Variants in CYP3A7 observed in about 807,000 individuals in gnomAD.
The protein encoded by CYP3A7 is cytochrome P450 3A7.
A neutral mutation model predicts 55.2 loss-of-function variants in CYP3A7; 45 were observed. That is an observed-to-expected ratio of 0.82 (90% CI 0.64 to 1.05). CYP3A7 has a LOEUF of 1.05. Ranked by LOEUF, CYP3A7 falls within the 50% of genes least tolerant of loss-of-function variation. The pLI is 0.00. For missense variants in CYP3A7, 548 were observed against 605.3 expected, an observed-to-expected ratio of 0.91 and a Z score of 0.99; for synonymous variants, 180 against 207.4, an observed-to-expected ratio of 0.87 and a Z score of 1.13.
At chr7:99,729,246 A>G (rs984767623) in intron 2 of CYP3A7, among the ~76,000 whole-genome samples, 5 of 152,126 alleles carry the variant, frequency 3.3e-5, no homozygotes, top group Non-Finnish European at 7.3e-5. Context: ...ACTATCACCA[A>G]TTATTCTATA....
In CYP3A7 at chr7:99,705,182, G is replaced by A. The variant is rs776643594; in HGVS notation, c.*318C>T. On this transcript the variant is annotated 3_prime_UTR_variant, in exon 13 of 13. Coordinates refer to ENST00000336374, the MANE Select transcript of CYP3A7 (RefSeq NM_000765.5). ...TAATGATTGTGGTTGAAATTATTGAGAAATGTTAATTATGTTATCAGAGCT... is the reference window on the plus strand; with the variant it reads ...TAATGATTGTGGTTGAAATTATTGAAAAATGTTAATTATGTTATCAGAGCT... 1.9e-5 allele frequency: 5 copies of A among 263,554 alleles called. No homozygotes were observed. Among genetic ancestry groups the A allele is most frequent in the Non-Finnish European group, 3.7e-5 (5 of 135,770 alleles). The allele number at this position is 263,554 out of a possible 1,614,324, so 16.3% of individuals were successfully genotyped here. A position where few individuals can be genotyped will look rare whatever the true frequency, so the allele number is the denominator to read the frequency against.
At chr7:99,729,957 A>G (rs1189855184) in intron 2 of CYP3A7, among the ~76,000 whole-genome samples, 1 of 152,224 alleles carries the variant, frequency 6.6e-6, no homozygotes, top group African/African-American at 2.4e-5. Flanking sequence ...TTGCTTTTGC[A>G]GAGGGAAAAA....
intron 7 of CYP3A7, 185 bp downstream of exon 7, chr7:99,715,573 T>G: frequency 3.6e-5 from 38 of 1,042,652 alleles, no homozygotes; most frequent in Non-Finnish European, 4.5e-5. Context: ...TAAACATGTA[T>G]GAGGTTTCTA....
intron 7 of CYP3A7, 166 bp downstream of exon 7, chr7:99,715,590 CAG>C (rs1222413757): frequency 8.2e-7 from 1 of 1,215,966 alleles, no homozygotes; most frequent in Admixed American, 2.1e-5. Context: ...TCTAGAATGA[CAG>C]AAGTGTTTTA....
chr7:99,710,840 G>A lies in CYP3A7; in HGVS notation c.918C>T (p.Gly306=). ...MAQSIIFIFA[G]YETTSSVLSF... is the part of the protein sequence containing the mutation. ...AGAGAACACTGCTCGTGGTTTCATA[G>A]CCAGCAAAAATAAAGATAATTGATT... Residue 306 remains glycine (G), a synonymous_variant, in exon 10 of 13, where the codon GGC becomes GGT. Coordinates refer to ENST00000336374, the MANE Select transcript of CYP3A7 (RefSeq NM_000765.5). 6.2e-7 allele frequency: 1 copy of A among 1,613,830 alleles called. No individual in the cohort carries two copies. Among genetic ancestry groups the A allele is most frequent in the Non-Finnish European group, 8.5e-7 (1 of 1,179,852 alleles).
chr7:99,706,859 T>G (rs1470181078), intron 12 of CYP3A7, among the ~76,000 whole-genome samples: 1 of 152,252 alleles, frequency 6.6e-6, no homozygotes, highest in East Asian at 1.9e-4. Context: ...TGAGGTCACT[T>G]GCAAGGCACC....
chr7:99,729,535 G>A (rs2140128), intron 2 of CYP3A7, among the ~76,000 whole-genome samples: 115,915 of 152,124 alleles, frequency 0.76, 47,130 homozygotes, highest in Non-Finnish European at 0.91. Flanking sequence ...AAGCCTGCAC[G>A]TGTACATCCA....
chr7:99,705,699 A>T, intron 12 of CYP3A7, 104 bp from the exon 13 acceptor site: 1 of 1,386,660 alleles, frequency 7.2e-7, no homozygotes, highest in East Asian at 2.4e-5. Context: ...CTTTGTAAAC[A>T]TATAAAAACT....
At chr7:99,722,238 G>A in intron 3 of CYP3A7, 58 bp downstream of exon 3, 1 of 1,604,298 alleles carries the variant, frequency 6.2e-7, no homozygotes, top group Non-Finnish European at 8.5e-7. Flanking sequence ...CCTCTGTGCA[G>A]TGGGGTAAAC....
In CYP3A7 at chr7:99,709,231, A is replaced by T. The variant is rs141574193; in HGVS notation, c.1057T>A (p.Leu353Met). The T allele has an allele frequency of 8.2e-4, 1,318 of 1,613,914 alleles. 2 individuals carry two copies. Among genetic ancestry groups the T allele is most frequent in the Middle Eastern group, 3.1e-3 (19 of 6,056 alleles). The change falls in exon 11 of 13, where the codon TTG becomes ATG. Residue 353 changes from leucine (L) to methionine (M), a missense_variant. By Grantham distance (15) the Leu-to-Met change is conservative. Coordinates refer to ENST00000336374, the MANE Select transcript of CYP3A7 (RefSeq NM_000765.5). ...TTCACCACCATGTCAAGATACTCCA[A>T]CTGTAGCACAGTATCATAGGTGGGT... is the stretch of plus-strand genomic sequence containing the variant. Reference protein sequence around the residue: ...APPTYDTVLQLEYLDMVVNET... With the variant: ...APPTYDTVLQMEYLDMVVNET...
intron 4 of CYP3A7, among the ~76,000 whole-genome samples, chr7:99,718,892 T>G (rs779496873): frequency 2.6e-5 from 4 of 152,116 alleles, no homozygotes; most frequent in Admixed American, 2.0e-4. Flanking sequence ...AAAAACATAA[T>G]ATCATTTACA....
chr7:99,732,111 G>A (rs185024899), intron 1 of CYP3A7, among the ~76,000 whole-genome samples: 2 of 152,226 alleles, frequency 1.3e-5, no homozygotes, highest in African/African-American at 2.4e-5. Flanking sequence ...GTATCTTAGA[G>A]GCAGTTTCTC....
chr7:99,705,439 A>G lies in CYP3A7; in HGVS notation c.*61T>C. ...AGGGTTCTATTTGTAAAGTAATTTG[A>G]GGTCTCTGGTGTTCTGGGGCACAGC... is the stretch of plus-strand genomic sequence containing the variant. On this transcript the variant is annotated 3_prime_UTR_variant, in exon 13 of 13. Transcript: ENST00000336374. 1 of 1,554,970 alleles carries G rather than the reference A, an allele frequency of 6.4e-7. No homozygotes were observed. Among genetic ancestry groups the G allele is most frequent in the East Asian group, 2.3e-5 (1 of 44,346 alleles).
intron 7 of CYP3A7, 118 bp downstream of exon 7, chr7:99,715,640 G>T: frequency 6.5e-7 from 1 of 1,537,076 alleles, no homozygotes; most frequent in Non-Finnish European, 9.0e-7. Flanking sequence ...ATCTTCAAAT[G>T]TACTACAAAC....
chr7:99,706,175 C>A (rs1469618821), intron 12 of CYP3A7, among the ~76,000 whole-genome samples: 1 of 152,154 alleles, frequency 6.6e-6, no homozygotes. Context: ...AAGTGGGGAA[C>A]CTCTCAATTC....
intron 11 of CYP3A7, 87 bp from the exon 12 acceptor site, chr7:99,708,061 C>T: frequency 1.3e-6 from 2 of 1,578,528 alleles, no homozygotes; most frequent in Non-Finnish European, 1.7e-6. Context: ...TAGGGCCCAC[C>T]CCTCTACTAG....
At chr7:99,727,463 A>T (rs546996348) in intron 2 of CYP3A7, among the ~76,000 whole-genome samples, 18 of 152,198 alleles carry the variant, frequency 1.2e-4, no homozygotes, top group Admixed American at 5.9e-4. Context: ...AGTCTCCCAC[A>T]ATTACCATTG....
intron 1 of CYP3A7, among the ~76,000 whole-genome samples, chr7:99,734,283 C>T (rs1018049039): frequency 9.2e-5 from 14 of 152,168 alleles, no homozygotes; most frequent in African/African-American, 3.1e-4. Context: ...ATGTGACAGG[C>T]GGGAAGCCTC....
intron 8 of CYP3A7, among the ~76,000 whole-genome samples, chr7:99,713,827 T>C (rs781493674): frequency 3.3e-5 from 5 of 152,252 alleles, no homozygotes; most frequent in Non-Finnish European, 5.9e-5. Context: ...TCTGTCTTCT[T>C]CATCACCAAT....
Sources: gnomAD v4.1 joint callset for allele counts (sites outside exome capture counted in the v4.1 genomes callset) on GRCh38, gnomAD v4.1.1 for gene constraint, MANE v1.5 for transcripts, NCBI Gene and HGNC (gene_info 2026-07-23, HGNC 2026-07-21) for gene names.